GAN: variants seen among roughly 807,000 people sequenced by gnomAD.
GAN encodes gigaxonin, also known as epididymis secretory sperm binding protein.
A neutral mutation model predicts 71.3 loss-of-function variants in GAN; 48 were observed. The ratio of observed to expected loss-of-function variants is 0.67; its 90% CI spans 0.53 to 0.86. GAN has a LOEUF of 0.86. GAN is among the 40% of genes least tolerant of loss of function. The probability of loss-of-function intolerance (pLI) is 0.00; values close to 1 mark genes in which losing one functional copy is unlikely to be tolerated. For synonymous variants in GAN, 386 were observed against 276.8 expected (o/e 1.39, Z -3.92); for missense variants, 928 against 770.1 (o/e 1.21, Z -2.43).
In GAN at chr16:81,385,708, C is replaced by G. The variant is rs1904380052; in HGVS notation, c.*8112C>G. 2 of 151,710 alleles carry G rather than the reference C, an allele frequency of 1.3e-5. No individual in the cohort carries two copies. Among genetic ancestry groups the G allele is most frequent in the Admixed American group, 1.3e-4 (2 of 15,216 alleles). The allele number at this position is 151,710 out of a possible 1,614,324, so 9.4% of individuals were successfully genotyped here. A position where few individuals can be genotyped will look rare whatever the true frequency, so the allele number is the denominator to read the frequency against. On this transcript the variant is annotated 3_prime_UTR_variant, in exon 11 of 11. Coordinates refer to ENST00000648994, the MANE Select transcript of GAN (RefSeq NM_022041.4). ...CCCAGGCCTTATAGCTTTCCACATT[C>G]TCACGTCTGCTGCCACATGATATAC...
chr16:81,330,422 A>T (rs1028992909), intron 1 of GAN, among the ~76,000 whole-genome samples: 1 of 152,230 alleles, frequency 6.6e-6, no homozygotes, highest in Non-Finnish European at 1.5e-5. Context: ...CCAGAGGCCA[A>T]TACCTCAGCA....
chr16:81,318,376 G>A (rs1405298498), intron 1 of GAN, among the ~76,000 whole-genome samples: 1 of 152,120 alleles, frequency 6.6e-6, no homozygotes, highest in Non-Finnish European at 1.5e-5. Context: ...TAGAAGCAGT[G>A]GTATGGCCTG....
intron 2 of GAN, among the ~76,000 whole-genome samples, chr16:81,352,450 T>G (rs1393256184): frequency 6.6e-6 from 1 of 152,216 alleles, no homozygotes; most frequent in East Asian, 1.9e-4. Flanking sequence ...TGTTTTGTTT[T>G]TTTAACAGAA....
At chr16:81,366,379 A>T (rs1334632704) in intron 9 of GAN, among the ~76,000 whole-genome samples, 1 of 152,226 alleles carries the variant, frequency 6.6e-6, no homozygotes, top group Non-Finnish European at 1.5e-5. Flanking sequence ...AGGGTAGATA[A>T]CATCCTTCTC....
rs934787540 is a variant in GAN at position 81,315,061 on chromosome 16, C to T, written c.-53C>T. The T allele has an allele frequency of 5.0e-6, 7 of 1,392,720 alleles. No individual in the cohort carries two copies. The African/African-American group carries it at 6.0e-5, about 12-fold the overall frequency. The allele number at this position is 1,392,720 out of a possible 1,614,324, so 86.3% of individuals were successfully genotyped here. On this transcript the variant is annotated 5_prime_UTR_variant, in exon 1 of 11. Transcript: ENST00000648994. ...GCAGGACTCGGGCCGCTCGAGGGGT[C>T]CGGCCGGACGGTGTCGGGAGCCGGA... is the stretch of plus-strand genomic sequence containing the variant.
chr16:81,363,185 T>G (rs751198061), intron 6 of GAN, among the ~76,000 whole-genome samples: 8 of 152,380 alleles, frequency 5.3e-5, no homozygotes, highest in Non-Finnish European at 1.0e-4. Context: ...TGCCATAGTT[T>G]ATACTAGCCT....
chr16:81,362,150 G>A (rs974931788), intron 5 of GAN, among the ~76,000 whole-genome samples: 4 of 152,150 alleles, frequency 2.6e-5, no homozygotes, highest in Non-Finnish European at 4.4e-5. Flanking sequence ...ACAGATGTGC[G>A]CTGCGGTGCA....
At chr16:81,320,805 T>G (rs969279682) in intron 1 of GAN, among the ~76,000 whole-genome samples, 5 of 152,220 alleles carry the variant, frequency 3.3e-5, no homozygotes, top group Admixed American at 3.3e-4. Context: ...GGATCTAGAC[T>G]TTGTTTTTAT....
In GAN at chr16:81,384,831, G is replaced by A. The variant is rs922017093; in HGVS notation, c.*7235G>A. On this transcript the variant is annotated 3_prime_UTR_variant, in exon 11 of 11. Coordinates refer to ENST00000648994, the MANE Select transcript of GAN (RefSeq NM_022041.4). Reference sequence around the variant, plus strand: ...CGTGGTCGCCTCCATCCTCCCTAGTGTCTGTCAGCTTGCCTGGTCACCAAG... The same window carrying A: ...CGTGGTCGCCTCCATCCTCCCTAGTATCTGTCAGCTTGCCTGGTCACCAAG... 2.0e-5 allele frequency: 3 copies of A among 152,526 alleles called. No individual in the cohort carries two copies. Among genetic ancestry groups the A allele is most frequent in the African/African-American group, 7.2e-5 (3 of 41,560 alleles). The allele number at this position is 152,526 out of a possible 1,614,324, so 9.4% of individuals were successfully genotyped here.
chr16:81,368,023 T>C (rs927525290), intron 9 of GAN, among the ~76,000 whole-genome samples: 4 of 152,252 alleles, frequency 2.6e-5, no homozygotes, highest in African/African-American at 7.2e-5. Context: ...CCATATTTGA[T>C]TGGAGACCAT....
intron 1 of GAN, among the ~76,000 whole-genome samples, chr16:81,331,801 G>A (rs8060840): frequency 0.94 from 143,887 of 152,298 alleles, 68,017 homozygotes; most frequent in Middle Eastern, 0.98. Flanking sequence ...ATTTTGGGCC[G>A]TACGCCCAGA....
intron 9 of GAN, 87 bp from the exon 10 acceptor site, chr16:81,377,132 A>G (rs1904284159): frequency 3.5e-6 from 3 of 846,314 alleles, no homozygotes; most frequent in Non-Finnish European, 6.3e-6. Flanking sequence ...ACTGCTGATG[A>G]CTCACCAAGC....
In GAN at chr16:81,385,206, G is replaced by T. The variant is rs1167104378; in HGVS notation, c.*7610G>T. 6.6e-6 allele frequency: 1 copy of T among 152,176 alleles called. No homozygotes were observed. The highest frequency in any genetic ancestry group is 6.5e-5 in the Admixed American group (1 of 15,272). 9.4% of individuals were successfully genotyped at this position (152,176 alleles called of 1,614,324 possible). A position where few individuals can be genotyped will look rare whatever the true frequency, so the allele number is the denominator to read the frequency against. On this transcript the variant is annotated 3_prime_UTR_variant, in exon 11 of 11. Coordinates refer to ENST00000648994, the MANE Select transcript of GAN (RefSeq NM_022041.4). The stretch of plus-strand genomic sequence containing the variant: ...CTTCTCCTCCAATGACAATCTGTTA[G>T]CACCCTGTTGACTTAGCTCAGGACA...
intron 9 of GAN, among the ~76,000 whole-genome samples, chr16:81,372,701 A>G (rs1333884607): frequency 6.6e-6 from 1 of 152,196 alleles, no homozygotes. Context: ...GGGATGAACT[A>G]TGTTGGTTGG....
At chr16:81,342,558 A>G (rs988792607) in intron 1 of GAN, among the ~76,000 whole-genome samples, 10 of 152,228 alleles carry the variant, frequency 6.6e-5, no homozygotes, top group African/African-American at 2.4e-4. Context: ...ATGAAGGCAG[A>G]AATAAAGATT....
intron 4 of GAN, 84 bp from the exon 5 acceptor site, chr16:81,357,726 T>A (rs1910537610): frequency 8.0e-7 from 1 of 1,251,592 alleles, no homozygotes. Flanking sequence ...AAATATTCTT[T>A]AGTAAACTAA....
At chr16:81,349,463 G>C (rs1371544186) in intron 1 of GAN, among the ~76,000 whole-genome samples, 1 of 152,056 alleles carries the variant, frequency 6.6e-6, no homozygotes, top group African/African-American at 2.4e-5. Context: ...GGGCAAGATG[G>C]TGAAACCCCG....
chr16:81,346,159 A>G (rs2150680771), intron 1 of GAN, among the ~76,000 whole-genome samples: 1 of 152,352 alleles, frequency 6.6e-6, no homozygotes, highest in African/African-American at 2.4e-5. Flanking sequence ...AAACCACAGA[A>G]CAGTTTGAGC....
intron 1 of GAN, among the ~76,000 whole-genome samples, chr16:81,318,937 C>A (rs1909134153): frequency 6.6e-6 from 1 of 151,670 alleles, no homozygotes; most frequent in African/African-American, 2.4e-5. Context: ...GCCCCTTTCC[C>A]AGCATGCTCC....
Sources: allele counts gnomAD v4.1 joint callset (sites outside exome capture counted in the v4.1 genomes callset), GRCh38; gene constraint gnomAD v4.1.1; transcripts MANE v1.5; gene names NCBI Gene and HGNC (gene_info 2026-07-23, HGNC 2026-07-21).